Variants in NRF1 observed in about 807,000 individuals in gnomAD.
NRF1 encodes the protein alpha palindromic-binding protein.
Under a neutral mutation model 58.5 loss-of-function variants are expected in NRF1, and 5 were observed. The observed-to-expected ratio is 0.09, with a 90% CI of 0.04 to 0.18. The LOEUF is 0.18. Ranked by LOEUF, NRF1 falls within the 10% of genes least tolerant of loss-of-function variation. The pLI is 1.00. For synonymous variants in NRF1, 224 were observed against 246.7 expected (o/e 0.91, Z 0.86); for missense variants, 288 against 657.7 (o/e 0.44, Z 6.15).
At chr7:129,679,546 C>G (rs1391205971) in intron 4 of NRF1, among the ~76,000 whole-genome samples, 1 of 151,706 alleles carries the variant, frequency 6.6e-6, no homozygotes, top group Non-Finnish European at 1.5e-5. Flanking sequence ...ATGGTGAAAC[C>G]CCATCTCTAC....
At chr7:129,613,587 A>C (rs919095191) in intron 1 of NRF1, among the ~76,000 whole-genome samples, 1 of 152,118 alleles carries the variant, frequency 6.6e-6, no homozygotes, top group Non-Finnish European at 1.5e-5. Context: ...ACCAAAAAAA[A>C]CAATAATCAG....
rs865971449 is a variant in NRF1 at position 129,709,081 on chromosome 7, C to A, written c.613C>A (p.Leu205Ile). Residue 205 changes from leucine to isoleucine, a missense_variant, in exon 6 of 11, where the codon CTT (leucine) becomes ATT (isoleucine). Leu to Ile is a conservative substitution (Grantham distance 5). This residue lies in a region of NRF1 where 212 missense variants were observed against 559.7 expected (regional missense o/e 0.38). Transcript: ENST00000393232. ...CCACACTGTTCTCTTCCAGGCCCAGCTTCGGGCATTTATCCCAGAGATGCT... is the reference window on the plus strand; with the variant it reads ...CCACACTGTTCTCTTCCAGGCCCAGATTCGGGCATTTATCCCAGAGATGCT... ...VSVDKMTQAQ[L>I]RAFIPEMLKY... The A allele has an allele frequency of 6.4e-7, 1 of 1,550,784 alleles. No homozygotes were observed. Among genetic ancestry groups the A allele is most frequent in the East Asian group, 2.4e-5 (1 of 42,220 alleles).
chr7:129,725,136 T>G (rs1236163879), intron 9 of NRF1, among the ~76,000 whole-genome samples: 1 of 152,136 alleles, frequency 6.6e-6, no homozygotes, highest in East Asian at 1.9e-4. Flanking sequence ...ATAGGAAGTT[T>G]AATGGTCCAG....
chr7:129,616,782 G>C (rs905223986), intron 1 of NRF1, among the ~76,000 whole-genome samples: 7 of 152,182 alleles, frequency 4.6e-5, no homozygotes, highest in African/African-American at 1.7e-4. Flanking sequence ...AACTCCAACT[G>C]CTACTGAACC....
chr7:129,692,645 G>A (rs1031689181), intron 5 of NRF1, among the ~76,000 whole-genome samples: 1 of 152,124 alleles, frequency 6.6e-6, no homozygotes, highest in Admixed American at 6.5e-5. Flanking sequence ...GCCCTGTAAT[G>A]GTTTTCCACT....
At chr7:129,657,634 G>A (rs1584614103) in intron 2 of NRF1, 60 bp downstream of exon 2, 10 of 1,015,042 alleles carry the variant, frequency 9.9e-6, no homozygotes, top group East Asian at 2.6e-5. Context: ...TTTGGAGACA[G>A]CGTCTCACTC....
In NRF1 at chr7:129,657,495, C is replaced by T. The variant is rs370398877; in HGVS notation, c.144C>T (p.Pro48=). Residue 48 remains proline (P), a synonymous_variant, in exon 2 of 11, where the codon CCC becomes CCT. Transcript: ENST00000393232. ...CTGATGAAGACTCGCCTTCTTCTCC[C>T]GAGGACACCTCTTACGATGACTCAG... ...LSADEDSPSS[P]EDTSYDDSDI... is the part of the protein sequence containing the mutation. 81 of 1,613,890 alleles carry T rather than the reference C, an allele frequency of 5.0e-5. 1 individual carries two copies. The Admixed American group carries it at 8.2e-4, about 16-fold the overall frequency.
At chr7:129,740,890 T>C (rs1483435277) in intron 10 of NRF1, among the ~76,000 whole-genome samples, 1 of 152,138 alleles carries the variant, frequency 6.6e-6, no homozygotes, top group African/African-American at 2.4e-5. Context: ...CAGAGGGCCT[T>C]TACAATGAGA....
intron 10 of NRF1, among the ~76,000 whole-genome samples, chr7:129,743,824 G>A (rs898443509): frequency 4.6e-5 from 7 of 152,148 alleles, no homozygotes; most frequent in South Asian, 2.1e-4. Context: ...CCAGCTGCTG[G>A]GTACTTAGGG....
intron 5 of NRF1, among the ~76,000 whole-genome samples, chr7:129,705,775 G>T (rs1223866911): frequency 6.6e-6 from 1 of 151,980 alleles, no homozygotes; most frequent in Non-Finnish European, 1.5e-5. Flanking sequence ...AAGAAAAGAA[G>T]GAAAAGTAAA....
intron 1 of NRF1, among the ~76,000 whole-genome samples, chr7:129,649,712 C>T (rs1801493324): frequency 6.6e-6 from 1 of 152,150 alleles, no homozygotes; most frequent in South Asian, 2.1e-4. Context: ...AGTACCCCTA[C>T]CCCAACCTCT....
chr7:129,686,887 T>C (rs1441880540), intron 4 of NRF1, among the ~76,000 whole-genome samples: 2 of 152,236 alleles, frequency 1.3e-5, no homozygotes, highest in Non-Finnish European at 2.9e-5. Flanking sequence ...TGTGACACCA[T>C]TGATTATAAG....
intron 8 of NRF1, among the ~76,000 whole-genome samples, chr7:129,713,776 G>C (rs1471281686): frequency 6.6e-6 from 1 of 152,252 alleles, no homozygotes; most frequent in Admixed American, 6.5e-5. Flanking sequence ...GACTTCAGGG[G>C]AGTGGAATTG....
At chr7:129,650,991 CATAT>C (rs961187792) in intron 1 of NRF1, among the ~76,000 whole-genome samples, 3 of 152,118 alleles carry the variant, frequency 2.0e-5, no homozygotes, top group African/African-American at 7.2e-5. Context: ...TCATATCAGT[CATAT>C]CTGGCATTAA....
intron 1 of NRF1, among the ~76,000 whole-genome samples, chr7:129,621,970 A>G (rs1800807069): frequency 6.6e-6 from 1 of 151,954 alleles, no homozygotes; most frequent in African/African-American, 2.4e-5. Flanking sequence ...TTTAGTAGAG[A>G]CAGGGTTTCA....
At position 129,612,576 on chromosome 7, in the gene NRF1, G is replaced by T. The variant is rs1800560460; in HGVS notation, c.-7+752G>T. Among the ~76,000 whole-genome samples the T allele has an allele frequency of 2.0e-5, 3 of 152,224 alleles. No individual in the cohort carries two copies. In the South Asian group the frequency reaches 6.2e-4, roughly 32 times the overall value. On this transcript the variant is annotated intron_variant, in intron 1 of 10. Transcript: ENST00000393232. ...CGACATTGTGTTTTCTTCCCCAGCT[G>T]AGATGTGCCCGCGGAGGGGCCGCGG...
intron 2 of NRF1, among the ~76,000 whole-genome samples, chr7:129,665,859 C>G (rs1254409796): frequency 6.6e-6 from 1 of 152,248 alleles, no homozygotes; most frequent in Non-Finnish European, 1.5e-5. Flanking sequence ...AGTGATCCTC[C>G]TGCCTTGGCC....
At chr7:129,692,690 T>A (rs1802598677) in intron 5 of NRF1, among the ~76,000 whole-genome samples, 1 of 152,216 alleles carries the variant, frequency 6.6e-6, no homozygotes. Context: ...TGCCATGGCT[T>A]TGAAGGCCCT....
At chr7:129,625,518 T>G (rs1800892906) in intron 1 of NRF1, among the ~76,000 whole-genome samples, 1 of 151,932 alleles carries the variant, frequency 6.6e-6, no homozygotes, top group Non-Finnish European at 1.5e-5. Flanking sequence ...TATTAGTTTT[T>G]TAGAAACAGT....
Sources: gnomAD v4.1 joint callset for allele counts (sites outside exome capture counted in the v4.1 genomes callset) on GRCh38, gnomAD v4.1.1 for gene constraint, gnomAD v4.1.1 regional missense constraint, MANE v1.5 for transcripts, NCBI Gene and HGNC (gene_info 2026-07-23, HGNC 2026-07-21) for gene names.